Variants in CFAP251 observed in about 807,000 individuals in gnomAD.
CFAP251 encodes cilia- and flagella-associated protein 251.
A neutral mutation model predicts 126.7 loss-of-function variants in CFAP251; 93 were observed. That is an observed-to-expected ratio of 0.73 (90% confidence interval 0.62 to 0.87). The LOEUF (loss-of-function observed/expected upper bound fraction) is 0.87. Among genes scored for constraint, CFAP251 ranks in the 40% least tolerant of loss-of-function variants. The probability of loss-of-function intolerance (pLI) is 0.00; values close to 1 mark genes in which losing one functional copy is unlikely to be tolerated. For missense variants in CFAP251, 1,287 were observed against 1,389.2 expected, an observed-to-expected ratio of 0.93 and a Z score of 1.17; for synonymous variants, 503 against 506.9, an observed-to-expected ratio of 0.99 and a Z score of 0.10.
At chr12:122,001,204 C>T (rs1342108347) in intron 20 of CFAP251, among the ~76,000 whole-genome samples, 5 of 151,494 alleles carry the variant, frequency 3.3e-5, no homozygotes, top group Admixed American at 1.3e-4. Flanking sequence ...TTACAGGCCG[C>T]GCCACCACAC....
rs1203483757 is a variant in CFAP251 at position 121,974,175 on chromosome 12, C to A, written c.2772-1069C>A. 6.6e-6 allele frequency among the ~76,000 whole-genome samples: 1 copy of A among 152,062 alleles called. No individual in the cohort carries two copies. Among genetic ancestry groups the A allele is most frequent in the Non-Finnish European group, 1.5e-5 (1 of 68,008 alleles). On this transcript the variant is annotated intron_variant, in intron 17 of 21. Transcript: ENST00000288912. This position sits in a 1 kb window ranked among gnomAD's most constrained non-coding sequence, Gnocchi z 4.6. Reference sequence around the variant, plus strand: ...ATCTGATGGTTTGATAAGGGGAAACCTGATTCACTTGGTCTCTCATTCTCT... The same window carrying A: ...ATCTGATGGTTTGATAAGGGGAAACATGATTCACTTGGTCTCTCATTCTCT...
Position 121,958,399 on chromosome 12 carries a change from C to G in CFAP251, c.1858C>G (p.Leu620Val). The G allele has an allele frequency of 6.2e-7, 1 of 1,614,252 alleles. No homozygotes were observed. The highest frequency in any genetic ancestry group is 8.5e-7 in the Non-Finnish European group (1 of 1,180,052). Residue 620 changes from leucine to valine, a missense_variant, in exon 12 of 22, where the codon CTC becomes GTC. Transcript: ENST00000288912. ...CAISCHPYQPLIAIGSICGMI... is the reference protein window; with the variant it reads ...CAISCHPYQPVIAIGSICGMI... ...CATCTCCTGCCACCCATATCAACCC[C>G]TCATTGCCATCGGGAGCATCTGTGG...
In CFAP251 at chr12:121,979,917, C is replaced by G. The variant is rs570606193; in HGVS notation, c.3006+4232C>G. ...ACGGAAACCTAAGTCGACCCATTTT[C>G]TGGTTCACAGAATTCCAGGTCCAGA... On this transcript the variant is annotated intron_variant, in intron 19 of 21. Coordinates refer to ENST00000288912, the MANE Select transcript of CFAP251 (RefSeq NM_144668.6). Among the ~76,000 whole-genome samples the G allele has an allele frequency of 2.4e-3, 370 of 152,318 alleles. 3 individuals carry two copies. The highest frequency in any genetic ancestry group is 8.7e-3 in the African/African-American group (360 of 41,586).
chr12:121,992,644 C>A, intron 19 of CFAP251: 2 of 417,126 alleles, frequency 4.8e-6, no homozygotes, highest in Non-Finnish European at 6.4e-6. Flanking sequence ...GTGGCACAAT[C>A]ACGGCTCAGT....
intron 1 of CFAP251, among the ~76,000 whole-genome samples, chr12:121,919,461 TAAC>T (rs746707270): frequency 6.6e-5 from 10 of 152,198 alleles, no homozygotes; most frequent in Non-Finnish European, 1.0e-4. Context: ...TCTCAAATAA[TAAC>T]AACTGCTACC....
intron 19 of CFAP251, among the ~76,000 whole-genome samples, chr12:121,983,807 GAGC>G (rs1235457535): frequency 6.6e-6 from 1 of 152,042 alleles, no homozygotes; most frequent in African/African-American, 2.4e-5. Flanking sequence ...CCACATCAGT[GAGC>G]AGACTTGATT....
At chr12:121,934,615 T>C (rs968166793) in intron 5 of CFAP251, among the ~76,000 whole-genome samples, 2 of 152,220 alleles carry the variant, frequency 1.3e-5, no homozygotes, top group Non-Finnish European at 2.9e-5. Context: ...TGCTGCCTCT[T>C]CTGGGCAGTT....
intron 15 of CFAP251, among the ~76,000 whole-genome samples, chr12:121,962,799 G>A (rs1881987824): frequency 6.6e-6 from 1 of 152,084 alleles, no homozygotes; most frequent in South Asian, 2.1e-4. Flanking sequence ...ACAGAGACTT[G>A]AAGAAAGTGA....
intron 3 of CFAP251, among the ~76,000 whole-genome samples, chr12:121,926,420 G>C (rs1349972974): frequency 6.6e-6 from 1 of 151,850 alleles, no homozygotes; most frequent in African/African-American, 2.4e-5. Flanking sequence ...TCCGTCTCCT[G>C]GGTTCAATGG....
At chr12:121,992,307 G>C (rs966176400) in intron 19 of CFAP251, 1 of 985,334 alleles carries the variant, frequency 1.0e-6, no homozygotes. Flanking sequence ...GTCGGCTCAG[G>C]AAGGAAATGT....
intron 7 of CFAP251, among the ~76,000 whole-genome samples, chr12:121,947,164 G>C (rs1339222348): frequency 6.6e-6 from 1 of 152,092 alleles, no homozygotes; most frequent in Admixed American, 6.6e-5. Context: ...GCTTCAGTCT[G>C]AATGTTTTCT....
chr12:121,975,407 A>G, intron 18 of CFAP251, 73 bp downstream of exon 18: 1 of 1,570,728 alleles, frequency 6.4e-7, no homozygotes, highest in Non-Finnish European at 8.7e-7. Context: ...CCCAGGGTTA[A>G]CCTTGCTTTA....
rs753450280 is a variant in CFAP251, at chr12:121,959,056, A to G, written c.2095A>G (p.Ile699Val). ...FKYSRTSVTH[I>V]SFSHDSQYMA... ...ATATTCCAGAACCAGTGTGACTCAT[A>G]TAAGCTTTTCCCATGACTCCCAGTA... Residue 699 changes from isoleucine (I) to valine (V), a missense_variant, in exon 13 of 22, where the codon ATA becomes GTA. By Grantham distance (29) the Ile-to-Val change is conservative. Coordinates refer to ENST00000288912, the MANE Select transcript of CFAP251 (RefSeq NM_144668.6). The G allele has an allele frequency of 8.0e-5, 129 of 1,609,594 alleles. No homozygotes were observed. The highest frequency in any genetic ancestry group is 1.0e-4 in the Non-Finnish European group (119 of 1,178,914).
chr12:121,927,188 G>GTTT (rs36117069), intron 3 of CFAP251, among the ~76,000 whole-genome samples: 5 of 143,732 alleles, frequency 3.5e-5, no homozygotes, highest in African/African-American at 5.1e-5. Context: ...TGTTGTTTAG[G>GTTT]TTTTTTTTTT....
intron 21 of CFAP251, chr12:122,001,940 G>A (rs1732406689): frequency 3.4e-6 from 1 of 289,998 alleles, no homozygotes; most frequent in African/African-American, 2.1e-5. Flanking sequence ...AGAGACTTGG[G>A]GGCCAGGCAC....
At chr12:121,975,374 G>A (rs1211101856) in intron 18 of CFAP251, 40 bp downstream of exon 18, 1 of 1,597,894 alleles carries the variant, frequency 6.3e-7, no homozygotes, top group Non-Finnish European at 8.6e-7. Context: ...GTAACATCTA[G>A]TTAAGTTTGT....
chr12:121,924,226 C>T (rs1322175647), intron 3 of CFAP251, among the ~76,000 whole-genome samples: 1 of 151,848 alleles, frequency 6.6e-6, no homozygotes, highest in Admixed American at 6.6e-5. Context: ...TCTTGTGCCT[C>T]AGTCTCCCGA....
At chr12:121,958,558 A>G in intron 12 of CFAP251, 36 bp downstream of exon 12, 2 of 1,611,932 alleles carry the variant, frequency 1.2e-6, no homozygotes, top group African/African-American at 1.3e-5. Context: ...TCGGTTCCAC[A>G]TGGACAGCCC....
At chr12:121,980,408 C>CTTT (rs548905552) in intron 19 of CFAP251, among the ~76,000 whole-genome samples, 2 of 139,466 alleles carry the variant, frequency 1.4e-5, no homozygotes, top group South Asian at 2.3e-4. Context: ...TCACTTCCTT[C>CTTT]TTTTTTTTTT....
Sources: allele counts gnomAD v4.1 joint callset (sites outside exome capture counted in the v4.1 genomes callset), GRCh38; gene constraint gnomAD v4.1.1; non-coding constraint Gnocchi (gnomAD v3.1); transcripts MANE v1.5; gene names NCBI Gene and HGNC (gene_info 2026-07-23, HGNC 2026-07-21).